Variants in BACH2 observed in about 807,000 individuals in gnomAD.
The protein encoded by BACH2 is BACH transcriptional regulator 2.
A neutral mutation model predicts 61.8 loss-of-function variants in BACH2; 5 were observed. That is an observed-to-expected ratio of 0.08 (90% confidence interval 0.04 to 0.17). The LOEUF is 0.17. Ranked by LOEUF, BACH2 falls within the 10% of genes least tolerant of loss-of-function variation. The pLI, the probability that BACH2 is intolerant of heterozygous loss-of-function variation, is 1.00. For synonymous variants in BACH2, 446 were observed against 440.1 expected, an observed-to-expected ratio of 1.01 and a Z score of -0.17; for missense variants, 824 against 1,091.1, an observed-to-expected ratio of 0.76 and a Z score of 3.45.
chr6:89,977,888 A>C (rs1009734079), intron 6 of BACH2, among the ~76,000 whole-genome samples: 13 of 152,190 alleles, frequency 8.5e-5, no homozygotes, highest in African/African-American at 3.1e-4. Context: ...CTAATAAATA[A>C]AAGGCCTCTG....
rs548502841 is a variant in BACH2, at chr6:90,104,144, C to T, written c.-161-15035G>A. Among the ~76,000 whole-genome samples, 4 of 152,270 alleles carry T rather than the reference C, an allele frequency of 2.6e-5. No individual in the cohort carries two copies. The East Asian group carries it at 7.7e-4, about 29-fold the overall frequency. ...CAATCCTTCACAATTTTATTGAGAT[C>T]ACTGATTCTGGAGAAGGCAAATATT... On this transcript the variant is annotated intron_variant, in intron 4 of 8. Coordinates refer to ENST00000257749, the MANE Select transcript of BACH2 (RefSeq NM_021813.4).
intron 5 of BACH2, among the ~76,000 whole-genome samples, chr6:90,041,593 A>G (rs186575276): frequency 1.1e-3 from 173 of 152,196 alleles, no homozygotes; most frequent in African/African-American, 4.0e-3. Flanking sequence ...GTGTTCTTCT[A>G]TGGTGGTTGG....
chr6:90,077,745 T>C (rs1248397465), intron 5 of BACH2, among the ~76,000 whole-genome samples: 1 of 152,210 alleles, frequency 6.6e-6, no homozygotes, highest in African/African-American at 2.4e-5. Context: ...ATAGGTTTAA[T>C]TCATCACTTC....
At chr6:90,189,259 C>A (rs1582465454) in intron 4 of BACH2, among the ~76,000 whole-genome samples, 1 of 152,096 alleles carries the variant, frequency 6.6e-6, no homozygotes, top group African/African-American at 2.4e-5. Context: ...CTAGGATTTC[C>A]TGGAGAGTAG....
intron 5 of BACH2, among the ~76,000 whole-genome samples, chr6:90,083,054 C>A (rs779607621): frequency 6.6e-6 from 1 of 152,174 alleles, no homozygotes; most frequent in African/African-American, 2.4e-5. Context: ...ACAGTCTGTG[C>A]AACTTCCAGC....
chr6:89,938,885 CA>C (rs1773198933), intron 7 of BACH2, among the ~76,000 whole-genome samples: 1 of 152,136 alleles, frequency 6.6e-6, no homozygotes, highest in Non-Finnish European at 1.5e-5. Context: ...TAGTAGGAGT[CA>C]AAAGAACCGG....
chr6:89,960,201 A>T (rs980246912), intron 6 of BACH2, among the ~76,000 whole-genome samples: 1 of 152,044 alleles, frequency 6.6e-6, no homozygotes, highest in Admixed American at 6.5e-5. Context: ...TGTGTAACCA[A>T]TTTCCTGTTT....
intron 3 of BACH2, among the ~76,000 whole-genome samples, chr6:90,251,370 C>T (rs987043799): frequency 1.3e-5 from 2 of 151,990 alleles, no homozygotes; most frequent in Admixed American, 1.3e-4. Context: ...GCCATAGACG[C>T]GGATGGTTTC....
intron 5 of BACH2, among the ~76,000 whole-genome samples, chr6:90,084,389 T>TG (rs546931243): frequency 0.012 from 1,786 of 151,708 alleles, 30 homozygotes; most frequent in South Asian, 0.052. Context: ...TATGAACTCA[T>TG]GGGGGGGGAA....
intron 6 of BACH2, among the ~76,000 whole-genome samples, chr6:89,978,492 A>G (rs577507543): frequency 2.6e-5 from 4 of 152,324 alleles, no homozygotes; most frequent in Middle Eastern, 3.4e-3. Flanking sequence ...GCTCATAATT[A>G]CAGTGGTGAA....
chr6:89,952,821 A>G (rs987585264), intron 6 of BACH2: 1 of 152,244 alleles, frequency 6.6e-6, no homozygotes, highest in African/African-American at 2.4e-5. Flanking sequence ...CTGCTCACAC[A>G]CAATGACTTA....
chr6:90,016,435 G>A (rs1351259522), intron 5 of BACH2, among the ~76,000 whole-genome samples: 1 of 151,932 alleles, frequency 6.6e-6, no homozygotes, highest in Admixed American at 6.6e-5. Context: ...GTTGTTTTAG[G>A]ATTTATAATA....
chr6:90,230,303 C>A (rs756398809), intron 3 of BACH2, among the ~76,000 whole-genome samples: 1 of 152,166 alleles, frequency 6.6e-6, no homozygotes, highest in Non-Finnish European at 1.5e-5. Flanking sequence ...GATTATTGTA[C>A]GGATTTGGCA....
At chr6:90,082,301 G>C (rs2127805319) in intron 5 of BACH2, among the ~76,000 whole-genome samples, 2 of 152,180 alleles carry the variant, frequency 1.3e-5, no homozygotes, top group East Asian at 3.9e-4. Flanking sequence ...GGCCCACTAG[G>C]ATCTTACAGG....
chr6:90,183,025 T>G lies in BACH2; in HGVS notation c.-162+23544A>C, dbSNP rs567996729. 7.2e-5 allele frequency among the ~76,000 whole-genome samples: 11 copies of G among 152,358 alleles called. No individual in the cohort carries two copies. In the South Asian group the frequency reaches 2.3e-3, roughly 32 times the overall value. On this transcript the variant is annotated intron_variant, in intron 4 of 8. Coordinates refer to ENST00000257749, the MANE Select transcript of BACH2 (RefSeq NM_021813.4). ...GAGAACACACCACATAATGTTTTCA[T>G]TTTTATAAAACAAAGGGAAAATCCT... is the stretch of plus-strand genomic sequence containing the variant.
chr6:90,029,348 G>A (rs190387350), intron 5 of BACH2, among the ~76,000 whole-genome samples: 4 of 152,198 alleles, frequency 2.6e-5, no homozygotes, highest in East Asian at 3.9e-4. Context: ...ACTGTCTCCC[G>A]AGAGACTGTT....
chr6:90,115,448 G>A (rs1783356622), intron 4 of BACH2, among the ~76,000 whole-genome samples: 1 of 152,144 alleles, frequency 6.6e-6, no homozygotes, highest in African/African-American at 2.4e-5. Context: ...AAATGGTGCT[G>A]GGATAACTGG....
chr6:89,965,504 C>A (rs1254768755), intron 6 of BACH2, among the ~76,000 whole-genome samples: 1 of 152,208 alleles, frequency 6.6e-6, no homozygotes, highest in Admixed American at 6.5e-5. Context: ...GCAAGATATT[C>A]TTCTCTCTTC....
chr6:89,943,782 T>C (rs879782950), intron 7 of BACH2, among the ~76,000 whole-genome samples: 2 of 152,222 alleles, frequency 1.3e-5, no homozygotes, highest in Non-Finnish European at 2.9e-5. Context: ...TTTTCCTACT[T>C]CATTTCTTGG....
Sources: allele counts gnomAD v4.1 joint callset (sites outside exome capture counted in the v4.1 genomes callset), GRCh38; gene constraint gnomAD v4.1.1; transcripts MANE v1.5; gene names NCBI Gene and HGNC (gene_info 2026-07-23, HGNC 2026-07-21).